KIAA1217: variants seen among roughly 807,000 people sequenced by gnomAD.
KIAA1217 encodes the protein KIAA1217.
Under a neutral mutation model 163.9 loss-of-function variants are expected in KIAA1217, and 88 were observed. The observed-to-expected ratio is 0.54, with a 90% CI of 0.45 to 0.64. The LOEUF (loss-of-function observed/expected upper bound fraction) is 0.64. Ranked by LOEUF, KIAA1217 falls within the 30% of genes least tolerant of loss-of-function variation. KIAA1217 has a pLI of 0.00. For synonymous variants in KIAA1217, 903 were observed against 923.1 expected (o/e 0.98, Z 0.39); for missense variants, 2,372 against 2,475.0 (o/e 0.96, Z 0.88).
chr10:23,780,105 T>G (rs1275531659), intron 1 of KIAA1217, among the ~76,000 whole-genome samples: 2 of 152,222 alleles, frequency 1.3e-5, no homozygotes, highest in Non-Finnish European at 2.9e-5. Flanking sequence ...AGGAAAAATA[T>G]GAAGTTGTGA....
intron 1 of KIAA1217, among the ~76,000 whole-genome samples, chr10:23,754,421 T>A (rs2130841886): frequency 6.6e-6 from 1 of 152,352 alleles, no homozygotes; most frequent in Non-Finnish European, 1.5e-5. Flanking sequence ...GAAGCTTTGC[T>A]AGAACTCAGA....
chr10:24,491,734 G>A (rs1391633644), intron 6 of KIAA1217, among the ~76,000 whole-genome samples: 1 of 152,122 alleles, frequency 6.6e-6, no homozygotes, highest in Non-Finnish European at 1.5e-5. Flanking sequence ...ACTCCCCTCT[G>A]CCATTTCCCT....
chr10:24,269,590 T>C (rs2076580020), intron 2 of KIAA1217, among the ~76,000 whole-genome samples: 1 of 152,150 alleles, frequency 6.6e-6, no homozygotes, highest in Admixed American at 6.6e-5. Flanking sequence ...GGCAGAAACA[T>C]GAAGGCTAAT....
At chr10:24,374,936 C>A (rs2052257036) in intron 2 of KIAA1217, among the ~76,000 whole-genome samples, 1 of 152,150 alleles carries the variant, frequency 6.6e-6, no homozygotes. Context: ...ACGTGTGCAG[C>A]ACCACACCTG....
intron 1 of KIAA1217, among the ~76,000 whole-genome samples, chr10:23,828,895 C>T (rs1266094998): frequency 1.3e-5 from 2 of 152,138 alleles, no homozygotes; most frequent in Non-Finnish European, 2.9e-5. Context: ...AAATACTTTA[C>T]ATATATATCT....
At chr10:23,799,681 T>A (rs1836378531) in intron 1 of KIAA1217, among the ~76,000 whole-genome samples, 2 of 152,188 alleles carry the variant, frequency 1.3e-5, no homozygotes, top group Non-Finnish European at 1.5e-5. Flanking sequence ...CTATAATTTG[T>A]ATTGGACCTA....
intron 2 of KIAA1217, among the ~76,000 whole-genome samples, chr10:24,347,298 C>T (rs1344248396): frequency 2.6e-5 from 4 of 152,126 alleles, no homozygotes; most frequent in Admixed American, 6.5e-5. Context: ...GGATGCAGTG[C>T]GTGATCTTTC....
intron 2 of KIAA1217, among the ~76,000 whole-genome samples, chr10:24,355,988 C>T (rs1251834941): frequency 1.3e-5 from 2 of 151,638 alleles, no homozygotes; most frequent in Non-Finnish European, 2.9e-5. Flanking sequence ...ACTTTGTGAT[C>T]CACCCGCCTC....
chr10:23,936,265 C>T (rs1410642713), intron 1 of KIAA1217, among the ~76,000 whole-genome samples: 1 of 152,094 alleles, frequency 6.6e-6, no homozygotes, highest in Non-Finnish European at 1.5e-5. Flanking sequence ...AAAGGTCAGC[C>T]TCCAGGGACT....
At chr10:23,763,046 C>G (rs796534260) in intron 1 of KIAA1217, among the ~76,000 whole-genome samples, 1 of 152,182 alleles carries the variant, frequency 6.6e-6, no homozygotes, top group South Asian at 2.1e-4. Flanking sequence ...CCTAGGAATA[C>G]AGCTAACAAG....
At chr10:24,206,419 C>T (rs1171075989), upstream of KIAA1217, among the ~76,000 whole-genome samples, 5 of 152,174 alleles carry the variant, frequency 3.3e-5, no homozygotes, top group South Asian at 4.2e-4. Context: ...TCATGAAGAT[C>T]GGAGTTACCA....
rs189761532 is a variant in KIAA1217 at position 24,274,243 on chromosome 10, C to T, written c.354+54334C>T. On this transcript the variant is annotated intron_variant, in intron 2 of 20. Coordinates refer to ENST00000376454, the MANE Select transcript of KIAA1217 (RefSeq NM_019590.5). ...ATTGCTGGCCAGGCACAATGGCTCA[C>T]ACCTATAATCCCAGCATTTTGGGAG... Among the ~76,000 whole-genome samples the T allele has an allele frequency of 3.2e-4, 48 of 152,294 alleles. No individual in the cohort carries two copies. In the East Asian group the frequency reaches 9.1e-3, roughly 29 times the overall value.
At chr10:23,912,740 A>T (rs1842487546) in intron 1 of KIAA1217, among the ~76,000 whole-genome samples, 1 of 152,206 alleles carries the variant, frequency 6.6e-6, no homozygotes, top group African/African-American at 2.4e-5. Flanking sequence ...ATTTTAAGAC[A>T]GTGTGAAATA....
intron 1 of KIAA1217, among the ~76,000 whole-genome samples, chr10:23,940,251 G>A (rs2131333005): frequency 6.6e-6 from 1 of 151,972 alleles, no homozygotes; most frequent in Middle Eastern, 3.4e-3. Context: ...CCTGACATCA[G>A]GAGTTCGAGA....
chr10:23,966,987 A>T (rs1845091454), intron 1 of KIAA1217, among the ~76,000 whole-genome samples: 1 of 152,058 alleles, frequency 6.6e-6, no homozygotes, highest in Non-Finnish European at 1.5e-5. Flanking sequence ...AAAAGTGGCT[A>T]ATCTGGTGTT....
At chr10:24,215,948 T>A (rs1390997853) in intron 1 of KIAA1217, among the ~76,000 whole-genome samples, 1 of 152,258 alleles carries the variant, frequency 6.6e-6, no homozygotes, top group Non-Finnish European at 1.5e-5. Context: ...GCCAAGTGGC[T>A]GCATTGAGCC....
At chr10:24,106,557 C>T (rs1266439178) in intron 2 of KIAA1217, among the ~76,000 whole-genome samples, 1 of 151,664 alleles carries the variant, frequency 6.6e-6, no homozygotes, top group East Asian at 1.9e-4. Flanking sequence ...AAGTTGACTT[C>T]ATTTACATGA....
At position 24,521,804 on chromosome 10, in the gene KIAA1217, C is replaced by T. The variant is rs553575508; in HGVS notation, c.2331C>T (p.Asn777=). The T allele has an allele frequency of 6.2e-6, 10 of 1,613,164 alleles. No homozygotes were observed. The highest frequency in any genetic ancestry group is 1.7e-5 in the Admixed American group (1 of 59,992). The stretch of plus-strand genomic sequence containing the variant: ...CAGGAGAATTTCCAACCTTACAAAA[C>T]AAGATGCGAGCCATCCTGCGCATAG... ...TLKGEFPTLQ[N]KMRAILRIEV... is the part of the protein sequence containing the mutation. The change falls in exon 12 of 21, where the codon AAC becomes AAT. Residue 777 remains asparagine, a synonymous_variant. Coordinates refer to ENST00000376454, the MANE Select transcript of KIAA1217 (RefSeq NM_019590.5).
chr10:23,860,434 A>G (rs1353622761), intron 1 of KIAA1217, among the ~76,000 whole-genome samples: 3 of 152,142 alleles, frequency 2.0e-5, no homozygotes, highest in Admixed American at 1.3e-4. Context: ...AGCTGACAAG[A>G]TTCCCTTGCC....
Sources: gnomAD v4.1 joint callset for allele counts (sites outside exome capture counted in the v4.1 genomes callset) on GRCh38, gnomAD v4.1.1 for gene constraint, MANE v1.5 for transcripts, NCBI Gene and HGNC (gene_info 2026-07-23, HGNC 2026-07-21) for gene names.